Variants in IQGAP2 observed in about 807,000 individuals in gnomAD.
IQGAP2 encodes the protein IQ motif containing GTPase activating protein 2.
IQGAP2 carries 173 observed loss-of-function variants against 201.3 expected under a neutral mutation model. The observed-to-expected ratio is 0.86, with a 90% CI of 0.76 to 0.98. IQGAP2 has a LOEUF of 0.98. Ranked by LOEUF, IQGAP2 falls within the 50% of genes least tolerant of loss-of-function variation. The pLI, the probability that IQGAP2 is intolerant of heterozygous loss-of-function variation, is 0.00. For synonymous variants in IQGAP2, 675 were observed against 673.9 expected, an observed-to-expected ratio of 1.00 and a Z score of -0.03; for missense variants, 1,687 against 1,864.8, an observed-to-expected ratio of 0.90 and a Z score of 1.76.
At chr5:76,416,161 G>T (rs1225691071) in intron 1 of IQGAP2, among the ~76,000 whole-genome samples, 3 of 152,120 alleles carry the variant, frequency 2.0e-5, no homozygotes, top group Admixed American at 1.3e-4. Flanking sequence ...TGTATAAGGT[G>T]GAATTTACAT....
At chr5:76,506,291 T>G (rs1757602149) in intron 2 of IQGAP2, among the ~76,000 whole-genome samples, 1 of 152,238 alleles carries the variant, frequency 6.6e-6, no homozygotes, top group African/African-American at 2.4e-5. Context: ...TTCCTCACCC[T>G]CATTCTCATA....
At chr5:76,408,414 G>C (rs1580128155) in intron 1 of IQGAP2, among the ~76,000 whole-genome samples, 1 of 152,148 alleles carries the variant, frequency 6.6e-6, no homozygotes, top group Admixed American at 6.5e-5. Flanking sequence ...TCACAAAGAA[G>C]CTGAAACCCC....
At chr5:76,413,707 T>C (rs898813275) in intron 1 of IQGAP2, among the ~76,000 whole-genome samples, 6 of 152,244 alleles carry the variant, frequency 3.9e-5, no homozygotes, top group African/African-American at 1.4e-4. Context: ...CCAAGCATTC[T>C]CTTATTTCAT....
At chr5:76,693,507 C>A (rs1746462663) in intron 31 of IQGAP2, 65 bp downstream of exon 31, 1 of 1,056,242 alleles carries the variant, frequency 9.5e-7, no homozygotes, top group Non-Finnish European at 1.4e-6. Flanking sequence ...AATCTTTATG[C>A]CATATGTTTA....
intron 27 of IQGAP2, among the ~76,000 whole-genome samples, chr5:76,676,076 G>GTC (rs199552504): frequency 0.14 from 11,827 of 85,130 alleles, 642 homozygotes; most frequent in African/African-American, 0.22. Context: ...GTAAGACTCT[G>GTC]TCACACACAC....
chr5:76,468,219 C>T (rs969978087), intron 2 of IQGAP2, among the ~76,000 whole-genome samples: 4 of 152,086 alleles, frequency 2.6e-5, no homozygotes, highest in African/African-American at 9.7e-5. Flanking sequence ...AGATACATTG[C>T]ATATAGAAGG....
At chr5:76,487,749 T>C (rs1209110524) in intron 2 of IQGAP2, among the ~76,000 whole-genome samples, 5 of 152,214 alleles carry the variant, frequency 3.3e-5, no homozygotes, top group Non-Finnish European at 5.9e-5. Flanking sequence ...GGCCAGACAC[T>C]GCATCTGTCT....
chr5:76,439,670 C>G (rs920745734), intron 1 of IQGAP2, among the ~76,000 whole-genome samples: 2 of 151,952 alleles, frequency 1.3e-5, no homozygotes, highest in African/African-American at 4.8e-5. Context: ...AATAGCTACT[C>G]TTGCTCTCTT....
At position 76,665,669 on chromosome 5, in the gene IQGAP2, T is replaced by C. The variant is rs953900905; in HGVS notation, c.2679+494T>C. On this transcript the variant is annotated intron_variant, in intron 22 of 35. Coordinates refer to ENST00000274364, the MANE Select transcript of IQGAP2 (RefSeq NM_006633.5). Reference sequence around the variant, plus strand: ...GAGGGTTTGGGATTTCAAAATAATATTTCTTTTTTCTTGTATTATTTTCAT... The same window carrying C: ...GAGGGTTTGGGATTTCAAAATAATACTTCTTTTTTCTTGTATTATTTTCAT... Among the ~76,000 whole-genome samples, 5 of 152,196 alleles carry C rather than the reference T, an allele frequency of 3.3e-5. No homozygotes were observed. In the East Asian group the frequency reaches 5.8e-4, roughly 18 times the overall value.
intron 17 of IQGAP2, among the ~76,000 whole-genome samples, chr5:76,642,114 A>T (rs1338371466): frequency 2.6e-5 from 4 of 152,200 alleles, no homozygotes; most frequent in African/African-American, 9.7e-5. Flanking sequence ...TTTACAATGT[A>T]TTCCTTTAAA....
At chr5:76,437,506 A>G (rs573414722) in intron 1 of IQGAP2, among the ~76,000 whole-genome samples, 1 of 152,192 alleles carries the variant, frequency 6.6e-6, no homozygotes, top group Non-Finnish European at 1.5e-5. Flanking sequence ...GGCATTAGCT[A>G]TTTATCCTGA....
chr5:76,495,257 A>G (rs1756814160), intron 2 of IQGAP2, among the ~76,000 whole-genome samples: 1 of 152,260 alleles, frequency 6.6e-6, no homozygotes, highest in Admixed American at 6.5e-5. Context: ...AGCCTAGAGC[A>G]CAAACGGTCT....
intron 5 of IQGAP2, among the ~76,000 whole-genome samples, chr5:76,580,121 C>T (rs1257794457): frequency 6.6e-6 from 1 of 151,844 alleles, no homozygotes. Flanking sequence ...ACCAAAAATA[C>T]AAAAATTAGC....
intron 21 of IQGAP2, among the ~76,000 whole-genome samples, chr5:76,661,281 T>C (rs1023550136): frequency 6.6e-6 from 1 of 152,134 alleles, no homozygotes; most frequent in African/African-American, 2.4e-5. Context: ...GTCAGTGAAG[T>C]GGCTAACATT....
chr5:76,457,267 C>A (rs1489728448), intron 1 of IQGAP2, among the ~76,000 whole-genome samples: 2 of 152,042 alleles, frequency 1.3e-5, no homozygotes, highest in Non-Finnish European at 2.9e-5. Flanking sequence ...GGGAGCTACC[C>A]CAGCCGGACA....
At chr5:76,553,734 A>G (rs979982782) in intron 2 of IQGAP2, among the ~76,000 whole-genome samples, 1 of 152,210 alleles carries the variant, frequency 6.6e-6, no homozygotes, top group Non-Finnish European at 1.5e-5. Flanking sequence ...GAGGTTCTCT[A>G]GCAACCCATA....
chr5:76,654,152 TTTCTC>T, intron 18 of IQGAP2, 43 bp from the exon 19 acceptor site: 2 of 1,335,054 alleles, frequency 1.5e-6, no homozygotes, highest in Non-Finnish European at 2.1e-6. Flanking sequence ...TACTTTGACT[TTTCTC>T]TTTATTTTTT....
intron 15 of IQGAP2, among the ~76,000 whole-genome samples, chr5:76,635,110 C>T (rs1204101171): frequency 6.6e-6 from 1 of 152,208 alleles, no homozygotes; most frequent in African/African-American, 2.4e-5. Flanking sequence ...GTAATGTCCC[C>T]TGTCTCATCC....
intron 35 of IQGAP2, 59 bp from the exon 36 acceptor site, chr5:76,707,117 TTTGTCAACAAATTCTTCTAATATG>T (rs1341236929): frequency 1.3e-6 from 1 of 748,628 alleles, no homozygotes; most frequent in African/African-American, 1.8e-5. Flanking sequence ...GAATCTGACT[TTTGTCAACAAATTCTTCTAATATG>T]TTTTTTAAAT....
Sources: allele counts gnomAD v4.1 joint callset (sites outside exome capture counted in the v4.1 genomes callset), GRCh38; gene constraint gnomAD v4.1.1; transcripts MANE v1.5; gene names NCBI Gene and HGNC (gene_info 2026-07-23, HGNC 2026-07-21).